The following TRAPPC12 variants were observed in gnomAD, a reference collection of about 807,000 sequenced individuals.
TRAPPC12 encodes TPR repeat protein 15.
A neutral mutation model predicts 69.2 loss-of-function variants in TRAPPC12; 61 were observed. The observed-to-expected ratio is 0.88, with a 90% CI of 0.72 to 1.09. The LOEUF is 1.09. TRAPPC12 is among the 50% of genes least tolerant of loss of function. The pLI is 0.00. For synonymous variants in TRAPPC12, 469 were observed against 438.9 expected (o/e 1.07, Z -0.86); for missense variants, 1,101 against 1,016.4 (o/e 1.08, Z -1.13).
intron 2 of TRAPPC12, among the ~76,000 whole-genome samples, chr2:3,391,905 C>G (rs1660845551): frequency 6.6e-6 from 1 of 152,166 alleles, no homozygotes; most frequent in Non-Finnish European, 1.5e-5. Flanking sequence ...TTAGCACTTT[C>G]TTTCAAACCC....
At chr2:3,416,316 C>T (rs184290065) in intron 3 of TRAPPC12, among the ~76,000 whole-genome samples, 8 of 152,256 alleles carry the variant, frequency 5.3e-5, no homozygotes, top group South Asian at 4.1e-4. Flanking sequence ...CACAGGCATT[C>T]GCACCGTGAC....
chr2:3,382,889 C>T (rs747753904), intron 1 of TRAPPC12, among the ~76,000 whole-genome samples: 1 of 152,204 alleles, frequency 6.6e-6, no homozygotes, highest in Non-Finnish European at 1.5e-5. Flanking sequence ...CGTCCCATTG[C>T]ACTCCCGCCA....
chr2:3,385,882 C>T (rs72765373), intron 1 of TRAPPC12, among the ~76,000 whole-genome samples: 22,833 of 152,206 alleles, frequency 0.15, 2,000 homozygotes, highest in East Asian at 0.38. Flanking sequence ...AGGAAGGACC[C>T]GAAGGAGCAG....
chr2:3,454,755 C>T (rs1319763674), intron 6 of TRAPPC12: 1 of 152,376 alleles, frequency 6.6e-6, no homozygotes, highest in Non-Finnish European at 1.5e-5. Context: ...CGTGATAGTC[C>T]ACAGGGAACG....
intron 2 of TRAPPC12, among the ~76,000 whole-genome samples, chr2:3,392,527 T>TAA (rs1558343833): frequency 5.3e-5 from 8 of 152,248 alleles, no homozygotes; most frequent in Admixed American, 4.6e-4. Context: ...CTTTGTCTTA[T>TAA]GTTGTATTTC....
At chr2:3,469,736 C>G (rs1476090458) in intron 9 of TRAPPC12, among the ~76,000 whole-genome samples, 1 of 152,152 alleles carries the variant, frequency 6.6e-6, no homozygotes, top group East Asian at 1.9e-4. Flanking sequence ...GCGGGGTTGC[C>G]CCTCCTGCAA....
In TRAPPC12 at chr2:3,424,507, A is replaced by G. The variant is rs892406972; in HGVS notation, c.1279-18A>G. The G allele has an allele frequency of 5.6e-6, 9 of 1,611,372 alleles. No homozygotes were observed. The highest frequency in any genetic ancestry group is 7.6e-6 in the Non-Finnish European group (9 of 1,179,250). Reference sequence around the variant, plus strand: ...TATATGTAGATAACCTATTGTTTCCATTGTATTTTGTTTTTAGCTCTGGTT... The same window carrying G: ...TATATGTAGATAACCTATTGTTTCCGTTGTATTTTGTTTTTAGCTCTGGTT... On this transcript the variant is annotated intron_variant, in intron 4 of 11. Coordinates refer to ENST00000324266, the MANE Select transcript of TRAPPC12 (RefSeq NM_016030.6).
chr2:3,456,178 GT>G (rs1215303248), intron 6 of TRAPPC12: 1 of 152,180 alleles, frequency 6.6e-6, no homozygotes, highest in Non-Finnish European at 1.5e-5. Context: ...CAAGATAACG[GT>G]TAAGAGGAAA....
At chr2:3,468,873 C>T (rs1665940743) in intron 9 of TRAPPC12, among the ~76,000 whole-genome samples, 2 of 152,168 alleles carry the variant, frequency 1.3e-5, no homozygotes, top group African/African-American at 2.4e-5. Flanking sequence ...GGATGGAGGA[C>T]GCCACACGGA....
At chr2:3,412,132 A>C (rs908578374) in intron 3 of TRAPPC12, among the ~76,000 whole-genome samples, 2 of 152,196 alleles carry the variant, frequency 1.3e-5, no homozygotes, top group African/African-American at 4.8e-5. Flanking sequence ...TTTGCATGCC[A>C]AGTGCCACAC....
intron 6 of TRAPPC12, chr2:3,449,084 T>C (rs1245067875): frequency 6.6e-6 from 1 of 152,222 alleles, no homozygotes; most frequent in Admixed American, 6.5e-5. Flanking sequence ...TGTGATTGCA[T>C]CAGTGAAGAA....
chr2:3,406,718 G>T (rs1661753696), intron 3 of TRAPPC12, among the ~76,000 whole-genome samples: 1 of 152,224 alleles, frequency 6.6e-6, no homozygotes, highest in Non-Finnish European at 1.5e-5. Flanking sequence ...TGGGGAAGCT[G>T]CTGTGATGTA....
intron 3 of TRAPPC12, among the ~76,000 whole-genome samples, chr2:3,420,262 G>C (rs1279213053): frequency 6.6e-6 from 1 of 152,180 alleles, no homozygotes; most frequent in Non-Finnish European, 1.5e-5. Context: ...ACGGCTGGTG[G>C]CTTGCAGCAG....
At chr2:3,448,439 CA>C (rs535995999) in intron 6 of TRAPPC12, among the ~76,000 whole-genome samples, 1 of 152,298 alleles carries the variant, frequency 6.6e-6, no homozygotes, top group Non-Finnish European at 1.5e-5. Context: ...TTGCTCCTGC[CA>C]AAAATTGCTC....
At chr2:3,415,313 T>C (rs1662311045) in intron 3 of TRAPPC12, among the ~76,000 whole-genome samples, 2 of 152,228 alleles carry the variant, frequency 1.3e-5, no homozygotes, top group Non-Finnish European at 2.9e-5. Flanking sequence ...TTTTCCCAAC[T>C]GCAGGCTAAT....
chr2:3,438,772 C>G (rs904926775), intron 5 of TRAPPC12, among the ~76,000 whole-genome samples: 2 of 152,110 alleles, frequency 1.3e-5, no homozygotes, highest in African/African-American at 2.4e-5. Flanking sequence ...TAGTACGTTT[C>G]TTATCTCTGA....
In TRAPPC12 at chr2:3,476,883, C is replaced by T. The variant is rs143007423; in HGVS notation, c.1777-812C>T. ...AACAGAGCTCGCTGTCACATTCTGG[C>T]TCCCGCAGGCTGTGCCCCGGACACA... is the stretch of plus-strand genomic sequence containing the variant. On this transcript the variant is annotated intron_variant, in intron 9 of 11. Coordinates refer to ENST00000324266, the MANE Select transcript of TRAPPC12 (RefSeq NM_016030.6). 6.9e-3 allele frequency among the ~76,000 whole-genome samples: 1,045 copies of T among 152,344 alleles called. 11 individuals carry two copies. Among genetic ancestry groups the T allele is most frequent in the Non-Finnish European group, 8.3e-3 (562 of 68,032 alleles).
Position 3,479,252 on chromosome 2 carries a change from C to G in TRAPPC12, c.1999C>G (p.Leu667Val). 6.2e-7 allele frequency: 1 copy of G among 1,614,102 alleles called. No individual in the cohort carries two copies. The highest frequency in any genetic ancestry group is 1.1e-5 in the South Asian group (1 of 91,084). The change falls in exon 12 of 12, where the codon CTG (leucine) becomes GTG (valine). Residue 667 changes from leucine (L) to valine (V), a missense_variant. Physicochemically the swap from Leu to Val is conservative, Grantham distance 32. Coordinates refer to ENST00000324266, the MANE Select transcript of TRAPPC12 (RefSeq NM_016030.6). ...NNNAAVCLLY[L>V]GKLKDSLRQL... ...CAACGCTGCCGTGTGTCTGCTCTAC[C>G]TGGGCAAGCTCAAGGACTCCCTGCG...
intron 2 of TRAPPC12, chr2:3,388,879 G>T: frequency 2.0e-6 from 1 of 502,584 alleles, no homozygotes; most frequent in Non-Finnish European, 3.4e-6. Flanking sequence ...CTGCTACTCA[G>T]AGAGGTAGAA....
Sources: allele counts gnomAD v4.1 joint callset (sites outside exome capture counted in the v4.1 genomes callset), GRCh38; gene constraint gnomAD v4.1.1; transcripts MANE v1.5; gene names NCBI Gene and HGNC (gene_info 2026-07-23, HGNC 2026-07-21).